Variants in PAX7 observed in about 807,000 individuals in gnomAD.
PAX7 encodes the protein paired box protein Pax-7.
In PAX7, 18 loss-of-function variants were observed where a neutral mutation model predicts 50.7. The observed-to-expected ratio is 0.36, with a 90% CI of 0.25 to 0.53. The LOEUF (loss-of-function observed/expected upper bound fraction) is 0.53. PAX7 is among the 20% of genes least tolerant of loss of function. The pLI, the probability that PAX7 is intolerant of heterozygous loss-of-function variation, is 0.93. For synonymous variants in PAX7, 310 were observed against 290.4 expected (o/e 1.07, Z -0.69); for missense variants, 644 against 702.9 (o/e 0.92, Z 0.95).
At chr1:18,643,773 C>G (rs967491582) in intron 4 of PAX7, among the ~76,000 whole-genome samples, 12 of 152,244 alleles carry the variant, frequency 7.9e-5, no homozygotes, top group African/African-American at 1.9e-4. Context: ...TACAGCACGT[C>G]CCGGCGGCTC....
Position 18,632,975 on chromosome 1 carries a change from G to T in PAX7, c.85+1287G>T, listed in dbSNP as rs1198324119. Reference sequence around the variant, plus strand: ...TGCCCAACATGACGCAGAATACTGAGGAGAGCCGAGTGCCGGTCGCTAAAG... The same window carrying T: ...TGCCCAACATGACGCAGAATACTGATGAGAGCCGAGTGCCGGTCGCTAAAG... On this transcript the variant is annotated intron_variant, in intron 1 of 8. Coordinates refer to ENST00000420770, the MANE Select transcript of PAX7 (RefSeq NM_001135254.2). The surrounding 1 kb of genome is among the most constrained non-coding windows in gnomAD (Gnocchi z 6.3). Among the ~76,000 whole-genome samples, 1 of 152,236 alleles carries T rather than the reference G, an allele frequency of 6.6e-6. No individual in the cohort carries two copies. Among genetic ancestry groups the T allele is most frequent in the African/African-American group, 2.4e-5 (1 of 41,468 alleles).
intron 7 of PAX7, among the ~76,000 whole-genome samples, chr1:18,719,436 C>G (rs1486275232): frequency 6.6e-6 from 1 of 152,214 alleles, no homozygotes; most frequent in African/African-American, 2.4e-5. Context: ...TGTGCGCTCT[C>G]GGAACCCAGC....
chr1:18,748,166 C>T lies in PAX7; in HGVS notation c.*3237C>T, dbSNP rs753872404. On this transcript the variant is annotated 3_prime_UTR_variant, in exon 9 of 9. Transcript: ENST00000420770. The stretch of plus-strand genomic sequence containing the variant: ...GAGAGAGGTTTGCCCAGAAGGAAAA[C>T]GAAGAGCCAGATTGAAATCTGACTC... 4.5e-6 allele frequency: 1 copy of T among 221,854 alleles called. No individual in the cohort carries two copies. Among genetic ancestry groups the T allele is most frequent in the East Asian group, 6.6e-5 (1 of 15,246 alleles). The allele number at this position is 221,854 out of a possible 1,614,324, so 13.7% of individuals were successfully genotyped here.
intron 4 of PAX7, among the ~76,000 whole-genome samples, chr1:18,658,526 G>T (rs1249645268): frequency 1.3e-5 from 2 of 152,208 alleles, no homozygotes; most frequent in East Asian, 3.8e-4. Context: ...GGAAAGTGAG[G>T]CAAGAGAGAA....
At chr1:18,730,324 G>A (rs1398268502) in intron 7 of PAX7, among the ~76,000 whole-genome samples, 1 of 152,166 alleles carries the variant, frequency 6.6e-6, no homozygotes, top group East Asian at 1.9e-4. Flanking sequence ...GCACTGACTG[G>A]TCCAGGCCCA....
At chr1:18,640,349 T>A (rs1044930895) in intron 4 of PAX7, among the ~76,000 whole-genome samples, 5 of 152,044 alleles carry the variant, frequency 3.3e-5, no homozygotes, top group African/African-American at 1.2e-4. Flanking sequence ...CCTGCCAAAT[T>A]TAATTAGGCT....
intron 6 of PAX7, among the ~76,000 whole-genome samples, chr1:18,702,091 G>A (rs1468587086): frequency 6.6e-6 from 1 of 152,070 alleles, no homozygotes; most frequent in Non-Finnish European, 1.5e-5. Context: ...CCAGCACTTT[G>A]GGAGGCTGAG....
At position 18,745,611 on chromosome 1, in the gene PAX7, A is replaced by G. The variant is rs1371328526; in HGVS notation, c.*682A>G. Reference sequence around the variant, plus strand: ...CACAGGCAGGGAGACTGGGGAGACCAGGAAGAGGCTTAACCAGAGGGTAGG... The same window carrying G: ...CACAGGCAGGGAGACTGGGGAGACCGGGAAGAGGCTTAACCAGAGGGTAGG... On this transcript the variant is annotated 3_prime_UTR_variant, in exon 9 of 9. Coordinates refer to ENST00000420770, the MANE Select transcript of PAX7 (RefSeq NM_001135254.2). 8.7e-6 allele frequency: 2 copies of G among 230,664 alleles called. No individual in the cohort carries two copies. The highest frequency in any genetic ancestry group is 2.2e-5 in the African/African-American group (1 of 45,260). The allele number at this position is 230,664 out of a possible 1,614,324, so 14.3% of individuals were successfully genotyped here.
rs1205854661 is a variant in PAX7 at position 18,744,963 on chromosome 1, C to T, written c.*34C>T. Reference sequence around the variant, plus strand: ...GGGCGACTTGCCCCAGCCCAATTCCCAGCCCAACCCTAACTGACCCCTGAG... The same window carrying T: ...GGGCGACTTGCCCCAGCCCAATTCCTAGCCCAACCCTAACTGACCCCTGAG... On this transcript the variant is annotated 3_prime_UTR_variant, in exon 9 of 9. Transcript: ENST00000420770. 8.0e-7 allele frequency: 1 copy of T among 1,249,770 alleles called. No individual in the cohort carries two copies. The highest frequency in any genetic ancestry group is 2.0e-5 in the Admixed American group (1 of 49,972). 77.4% of individuals were successfully genotyped at this position (1,249,770 alleles called of 1,614,324 possible).
chr1:18,703,411 G>A, intron 7 of PAX7, 115 bp downstream of exon 7: 2 of 936,652 alleles, frequency 2.1e-6, no homozygotes, highest in Non-Finnish European at 1.7e-6. Flanking sequence ...ACTGCGGTTG[G>A]GGTTTTTGTT....
intron 4 of PAX7, among the ~76,000 whole-genome samples, chr1:18,644,075 C>T (rs2088302332): frequency 6.6e-6 from 1 of 152,252 alleles, no homozygotes; most frequent in Admixed American, 6.5e-5. Context: ...GATGGCGCTC[C>T]GGCCACTTTC....
intron 4 of PAX7, among the ~76,000 whole-genome samples, chr1:18,683,146 C>A (rs1396578116): frequency 6.6e-6 from 1 of 152,162 alleles, no homozygotes; most frequent in East Asian, 1.9e-4. Flanking sequence ...CTCCCCTGCA[C>A]CCCCAGAGTA....
intron 4 of PAX7, among the ~76,000 whole-genome samples, chr1:18,679,016 C>T (rs1362879863): frequency 1.3e-5 from 2 of 152,194 alleles, no homozygotes; most frequent in African/African-American, 4.8e-5. Context: ...AATAGAAATA[C>T]TGATGAGCAT....
chr1:18,724,073 G>A (rs955548997), intron 7 of PAX7, among the ~76,000 whole-genome samples: 3 of 152,364 alleles, frequency 2.0e-5, no homozygotes, highest in South Asian at 2.1e-4. Context: ...GGCTCAGGCC[G>A]CTGCGTGCTC....
At chr1:18,652,360 C>T (rs1187661835) in intron 4 of PAX7, among the ~76,000 whole-genome samples, 4 of 152,032 alleles carry the variant, frequency 2.6e-5, no homozygotes, top group African/African-American at 9.7e-5. Context: ...GCACAGCCAG[C>T]AATAGCGCAA....
intron 4 of PAX7, among the ~76,000 whole-genome samples, chr1:18,646,174 G>T (rs1311705183): frequency 6.6e-6 from 1 of 152,204 alleles, no homozygotes; most frequent in African/African-American, 2.4e-5. Context: ...CAGCATGTCC[G>T]GGATTTGTCG....
Position 18,726,272 on chromosome 1 carries a change from G to A in PAX7, c.1156-9360G>A, listed in dbSNP as rs2089570761. 6.6e-6 allele frequency among the ~76,000 whole-genome samples: 1 copy of A among 152,080 alleles called. No individual in the cohort carries two copies. Among genetic ancestry groups the A allele is most frequent in the Non-Finnish European group, 1.5e-5 (1 of 68,012 alleles). ...ACAGTCCTTAACTAAAAGCCTCCAA[G>A]GACCCCTGGAATGGGGAGGGGGCAC... On this transcript the variant is annotated intron_variant, in intron 7 of 8. Coordinates refer to ENST00000420770, the MANE Select transcript of PAX7 (RefSeq NM_001135254.2). The surrounding 1 kb of genome is among the most constrained non-coding windows in gnomAD (Gnocchi z 4.8).
At chr1:18,690,979 G>A (rs924049308) in intron 4 of PAX7, among the ~76,000 whole-genome samples, 3 of 152,176 alleles carry the variant, frequency 2.0e-5, no homozygotes, top group Admixed American at 6.6e-5. Context: ...CTCTGGACAC[G>A]TGCACTTTTT....
At chr1:18,670,505 A>G (rs1054504798) in intron 4 of PAX7, among the ~76,000 whole-genome samples, 5 of 152,138 alleles carry the variant, frequency 3.3e-5, no homozygotes, top group African/African-American at 1.2e-4. Flanking sequence ...TGGCACTACC[A>G]GCCCTAGCCC....
Sources: gnomAD v4.1 joint callset for allele counts (sites outside exome capture counted in the v4.1 genomes callset) on GRCh38, gnomAD v4.1.1 for gene constraint, Gnocchi (gnomAD v3.1) non-coding constraint, MANE v1.5 for transcripts, NCBI Gene and HGNC (gene_info 2026-07-23, HGNC 2026-07-21) for gene names.